ULK4: variants seen among roughly 807,000 people sequenced by gnomAD.
ULK4 encodes the protein unc-51 like kinase 4.
In ULK4, 133 loss-of-function variants were observed where a neutral mutation model predicts 160.6. The observed-to-expected ratio is 0.83, with a 90% CI of 0.72 to 0.96. ULK4 has a LOEUF of 0.96. ULK4 is among the 40% of genes least tolerant of loss of function. The pLI is 0.00. For missense variants in ULK4, 1,580 were observed against 1,499.5 expected, an observed-to-expected ratio of 1.05 and a Z score of -0.89; for synonymous variants, 534 against 539.8, an observed-to-expected ratio of 0.99 and a Z score of 0.15.
chr3:41,289,207 C>G (rs529489340), intron 35 of ULK4, among the ~76,000 whole-genome samples: 2 of 152,304 alleles, frequency 1.3e-5, no homozygotes, highest in African/African-American at 4.8e-5. Context: ...AAACCACATG[C>G]TAAAAATGCT....
chr3:41,613,152 A>G (rs2125679472), intron 31 of ULK4, among the ~76,000 whole-genome samples: 1 of 152,284 alleles, frequency 6.6e-6, no homozygotes, highest in South Asian at 2.1e-4. Context: ...AGACACCACC[A>G]AGGCCCTCAA....
intron 35 of ULK4, among the ~76,000 whole-genome samples, chr3:41,281,635 T>G (rs1236048849): frequency 6.6e-6 from 1 of 152,174 alleles, no homozygotes; most frequent in East Asian, 1.9e-4. Context: ...AAACTAGGTA[T>G]TGATGGAATG....
chr3:41,902,635 A>T (rs1296921604), intron 12 of ULK4, among the ~76,000 whole-genome samples: 5 of 151,702 alleles, frequency 3.3e-5, no homozygotes, highest in African/African-American at 1.2e-4. Flanking sequence ...AGTTTGTTTA[A>T]AACAAGAAAA....
At chr3:41,954,581 GCTCT>G (rs1421028470) in intron 2 of ULK4, 37 bp downstream of exon 2, 1 of 1,585,564 alleles carries the variant, frequency 6.3e-7, no homozygotes, top group Non-Finnish European at 8.6e-7. Context: ...ACCTATTGTA[GCTCT>G]CTCTTTCCCC....
chr3:41,451,309 C>A (rs1026541829), intron 34 of ULK4, among the ~76,000 whole-genome samples: 1 of 151,818 alleles, frequency 6.6e-6, no homozygotes, highest in Admixed American at 6.6e-5. Flanking sequence ...TTCCAAGAAT[C>A]GTCTTGTAAA....
In ULK4 at chr3:41,684,190, G is replaced by A. The variant is rs192603064; in HGVS notation, c.2782-2386C>T. 8.1e-4 allele frequency among the ~76,000 whole-genome samples: 123 copies of A among 152,268 alleles called. 1 individual carries two copies. The highest frequency in any genetic ancestry group is 2.8e-3 in the African/African-American group (117 of 41,566). ...TCATCAACAGCTGCTTTGCTCTTAC[G>A]GAAGCTACACAGAAAGGCAACCCAG... On this transcript the variant is annotated intron_variant, in intron 27 of 36. Transcript: ENST00000301831.
At chr3:41,374,512 T>C (rs1259774425) in intron 35 of ULK4, among the ~76,000 whole-genome samples, 1 of 152,028 alleles carries the variant, frequency 6.6e-6, no homozygotes, top group Non-Finnish European at 1.5e-5. Flanking sequence ...TAATCCATCA[T>C]AGAAAAAGAA....
intron 1 of ULK4, among the ~76,000 whole-genome samples, chr3:41,956,688 T>C (rs1297460185): frequency 6.6e-6 from 1 of 152,242 alleles, no homozygotes; most frequent in East Asian, 1.9e-4. Flanking sequence ...ATGTAATCCC[T>C]AGACTGCAGG....
At chr3:41,426,599 C>G (rs1299931088) in intron 34 of ULK4, among the ~76,000 whole-genome samples, 1 of 152,144 alleles carries the variant, frequency 6.6e-6, no homozygotes, top group Non-Finnish European at 1.5e-5. Context: ...AATTAGAACT[C>G]AAGATTCAGA....
In ULK4 at chr3:41,794,660, C is replaced by CAAAAAA. The variant is rs71075484; in HGVS notation, c.2011-4823_2011-4818dup. 4.4e-3 allele frequency among the ~76,000 whole-genome samples: 83 copies of CAAAAAA among 18,982 alleles called. 4 individuals carry two copies. The highest frequency in any genetic ancestry group is 7.7e-3 in the Admixed American group (6 of 776). The allele number at this position is 18,982 out of a possible 152,430, so 12.5% of individuals were successfully genotyped here. ...TGGGTGACAGAGCAAGACTCTGTCTCAAAAAAAAAAAAAAAAAAAAAAAAA... is the reference window on the plus strand; with the variant it reads ...TGGGTGACAGAGCAAGACTCTGTCTCAAAAAAAAAAAAAAAAAAAAAAAAAAAAAAA... On this transcript the variant is annotated intron_variant, in intron 20 of 36. Coordinates refer to ENST00000301831, the MANE Select transcript of ULK4 (RefSeq NM_017886.4).
chr3:41,409,936 G>A (rs1423520733), intron 34 of ULK4, among the ~76,000 whole-genome samples: 4 of 140,372 alleles, frequency 2.8e-5, no homozygotes, highest in South Asian at 4.6e-4. Flanking sequence ...GTGACAGAGC[G>A]AGACCCGGTC....
chr3:41,800,034 C>T, intron 20 of ULK4, 98 bp downstream of exon 20: 5 of 1,155,628 alleles, frequency 4.3e-6, no homozygotes, highest in East Asian at 2.9e-5. Flanking sequence ...TTTCAGTTTC[C>T]TATCTATTAA....
At chr3:41,317,063 A>ATCTTTTTTTT (rs2080156954) in intron 35 of ULK4, among the ~76,000 whole-genome samples, 1 of 94,522 alleles carries the variant, frequency 1.1e-5, no homozygotes, top group Non-Finnish European at 2.0e-5. Context: ...AATTACATCT[A>ATCTTTTTTTT]TTTTTTTTTT....
intron 5 of ULK4, among the ~76,000 whole-genome samples, chr3:41,926,687 G>A (rs1463498053): frequency 6.6e-6 from 1 of 152,098 alleles, no homozygotes; most frequent in African/African-American, 2.4e-5. Flanking sequence ...CACAGCACGA[G>A]AACTTCATGA....
chr3:41,269,210 ATCAC>A (rs1257163021), intron 35 of ULK4, among the ~76,000 whole-genome samples: 1 of 152,122 alleles, frequency 6.6e-6, no homozygotes, highest in Admixed American at 6.5e-5. Flanking sequence ...TTAGGGTATA[ATCAC>A]TCACAAGTAT....
intron 18 of ULK4, among the ~76,000 whole-genome samples, chr3:41,828,109 C>T (rs1387871852): frequency 1.5e-5 from 2 of 130,270 alleles, no homozygotes; most frequent in East Asian, 2.0e-4. Context: ...GCCCTTCATG[C>T]TAAAAACTCT....
chr3:41,492,570 C>T (rs531837008), intron 32 of ULK4, among the ~76,000 whole-genome samples: 12 of 149,368 alleles, frequency 8.0e-5, no homozygotes, highest in African/African-American at 2.8e-4. Context: ...CAAATCCACA[C>T]ATAACAATAT....
chr3:41,373,174 C>A (rs1363442397), intron 35 of ULK4, among the ~76,000 whole-genome samples: 2 of 152,136 alleles, frequency 1.3e-5, no homozygotes, highest in East Asian at 3.8e-4. Flanking sequence ...ACTTAGACTG[C>A]CACACAATAA....
At chr3:41,369,654 G>T (rs1162155142) in intron 35 of ULK4, among the ~76,000 whole-genome samples, 4 of 151,166 alleles carry the variant, frequency 2.6e-5, no homozygotes, top group Non-Finnish European at 4.4e-5. Flanking sequence ...AATTAGCCAG[G>T]ATGGTGGTGG....
Sources: allele counts gnomAD v4.1 joint callset (sites outside exome capture counted in the v4.1 genomes callset), GRCh38; gene constraint gnomAD v4.1.1; transcripts MANE v1.5; gene names NCBI Gene and HGNC (gene_info 2026-07-23, HGNC 2026-07-21).